MGAT4C: variants seen among roughly 807,000 people sequenced by gnomAD.
MGAT4C encodes the protein MGAT4 family member C.
In MGAT4C, 19 loss-of-function variants were observed where a neutral mutation model predicts 40.1. The ratio of observed to expected loss-of-function variants is 0.47; its 90% CI spans 0.33 to 0.70. The LOEUF (loss-of-function observed/expected upper bound fraction) is 0.70, where lower values mean the gene tolerates loss of function less well. Among genes scored for constraint, MGAT4C ranks in the 30% least tolerant of loss-of-function variants. The probability of loss-of-function intolerance (pLI) is 0.02; values close to 1 mark genes in which losing one functional copy is unlikely to be tolerated. For synonymous variants in MGAT4C, 181 were observed against 187.1 expected (o/e 0.97, Z 0.27); for missense variants, 491 against 563.2 (o/e 0.87, Z 1.30).
chr12:86,333,586 G>A (rs972707226), intron 4 of MGAT4C, among the ~76,000 whole-genome samples: 1 of 152,104 alleles, frequency 6.6e-6, no homozygotes, highest in Non-Finnish European at 1.5e-5. Flanking sequence ...ACAGAGCAAA[G>A]AAGAAAAGTG....
chr12:86,002,507 T>G (rs1887435138), intron 2 of MGAT4C: 1 of 151,978 alleles, frequency 6.6e-6, no homozygotes, highest in African/African-American at 2.4e-5. Context: ...AAGAGAGTAT[T>G]ACTGTGTTGT....
At chr12:86,647,694 T>G (rs768231195) in intron 2 of MGAT4C, among the ~76,000 whole-genome samples, 6 of 151,920 alleles carry the variant, frequency 3.9e-5, no homozygotes, top group Non-Finnish European at 5.9e-5. Flanking sequence ...TTACTCAGAA[T>G]GATAACAAGT....
chr12:86,689,669 T>C (rs1200020344), intron 2 of MGAT4C, among the ~76,000 whole-genome samples: 2 of 152,172 alleles, frequency 1.3e-5, no homozygotes, highest in Non-Finnish European at 2.9e-5. Flanking sequence ...GATCGCTGCC[T>C]TCTTCTTCCT....
At chr12:86,531,755 T>C (rs1458286818) in intron 2 of MGAT4C, among the ~76,000 whole-genome samples, 2 of 152,044 alleles carry the variant, frequency 1.3e-5, no homozygotes, top group African/African-American at 4.8e-5. Context: ...CAAAATGCTC[T>C]ATTTACTTTT....
chr12:86,447,243 A>G (rs897846089), intron 2 of MGAT4C, among the ~76,000 whole-genome samples: 4 of 152,112 alleles, frequency 2.6e-5, no homozygotes, highest in Non-Finnish European at 5.9e-5. Flanking sequence ...CTCCTGCCTC[A>G]GCCTCCCGAG....
intron 1 of MGAT4C, among the ~76,000 whole-genome samples, chr12:86,246,172 A>C (rs1952015722): frequency 7.4e-6 from 1 of 136,048 alleles, no homozygotes; most frequent in Non-Finnish European, 1.5e-5. Flanking sequence ...CTCCTAGTGT[A>C]CCATTGCTTT....
chr12:86,021,355 T>C (rs546737591), intron 2 of MGAT4C, among the ~76,000 whole-genome samples: 2 of 151,704 alleles, frequency 1.3e-5, no homozygotes, highest in Non-Finnish European at 2.9e-5. Context: ...CCAACAAAGA[T>C]AGACTGGATT....
chr12:86,744,199 C>T (rs1951116792), intron 1 of MGAT4C, among the ~76,000 whole-genome samples: 3 of 151,366 alleles, frequency 2.0e-5, no homozygotes, highest in Admixed American at 1.3e-4. Flanking sequence ...AATTTATGGC[C>T]AGTTAGGGAG....
chr12:86,019,232 A>G (rs1403810337), intron 2 of MGAT4C, among the ~76,000 whole-genome samples: 1 of 152,160 alleles, frequency 6.6e-6, no homozygotes, highest in Non-Finnish European at 1.5e-5. Context: ...GCTATAAAAT[A>G]TACTTTGTTA....
intron 2 of MGAT4C, among the ~76,000 whole-genome samples, chr12:86,477,597 A>G (rs1204383997): frequency 6.6e-6 from 1 of 151,922 alleles, no homozygotes; most frequent in Non-Finnish European, 1.5e-5. Flanking sequence ...CTCTTTATAT[A>G]TATATATTTT....
chr12:85,991,051 G>A (rs1351572155), intron 2 of MGAT4C, among the ~76,000 whole-genome samples: 1 of 152,182 alleles, frequency 6.6e-6, no homozygotes, highest in African/African-American at 2.4e-5. Flanking sequence ...TCAGACAAGT[G>A]GAGGGTGAGC....
chr12:86,780,443 A>AT (rs1951818416), intron 1 of MGAT4C, among the ~76,000 whole-genome samples: 1 of 152,236 alleles, frequency 6.6e-6, no homozygotes, highest in African/African-American at 2.4e-5. Flanking sequence ...TGATTGGATC[A>AT]TGGGGGCAGA....
intron 2 of MGAT4C, among the ~76,000 whole-genome samples, chr12:86,685,938 C>T (rs1950064125): frequency 6.6e-6 from 1 of 151,554 alleles, no homozygotes; most frequent in African/African-American, 2.4e-5. Flanking sequence ...TCTCAGCTCA[C>T]TGCAAGCTCT....
intron 2 of MGAT4C, among the ~76,000 whole-genome samples, chr12:86,596,743 G>C (rs1398227381): frequency 6.6e-6 from 1 of 152,086 alleles, no homozygotes; most frequent in Non-Finnish European, 1.5e-5. Flanking sequence ...ACACCACCTG[G>C]TAATAATATG....
At chr12:86,837,278 A>G (rs1482959555) in intron 1 of MGAT4C, among the ~76,000 whole-genome samples, 1 of 152,238 alleles carries the variant, frequency 6.6e-6, no homozygotes, top group Non-Finnish European at 1.5e-5. Flanking sequence ...AAGTACTTAA[A>G]AGTCTCTTTG....
rs147883001 is a variant in MGAT4C at position 86,480,710 on chromosome 12, A to C, written c.-228-45445T>G. 6.4e-4 allele frequency among the ~76,000 whole-genome samples: 97 copies of C among 151,880 alleles called. 1 individual carries two copies. The highest frequency in any genetic ancestry group is 3.4e-3 in the Middle Eastern group (1 of 292). ...AATTTGATAGTTACATGCTACTTAT[A>C]GTTTTTATAAAAACACATATTGCTG... On this transcript the variant is annotated intron_variant, in intron 2 of 7. Coordinates refer to the MGAT4C transcript ENST00000548651.
chr12:86,559,132 G>A (rs1959750203), intron 2 of MGAT4C, among the ~76,000 whole-genome samples: 1 of 151,746 alleles, frequency 6.6e-6, no homozygotes, highest in African/African-American at 2.4e-5. Context: ...ATCAATTCAG[G>A]AATAGAATAT....
At chr12:86,715,599 C>T (rs1374552909) in intron 2 of MGAT4C, among the ~76,000 whole-genome samples, 1 of 151,990 alleles carries the variant, frequency 6.6e-6, no homozygotes, top group Non-Finnish European at 1.5e-5. Context: ...AATTTAAGAC[C>T]CAAGCTTCAA....
chr12:86,480,382 CA>C (rs1957911813), intron 2 of MGAT4C, among the ~76,000 whole-genome samples: 1 of 151,506 alleles, frequency 6.6e-6, no homozygotes, highest in South Asian at 2.1e-4. Flanking sequence ...TAAATGTATA[CA>C]TATGCATACA....
Sources: allele counts gnomAD v4.1 joint callset (sites outside exome capture counted in the v4.1 genomes callset), GRCh38; gene constraint gnomAD v4.1.1; transcripts MANE v1.5; gene names NCBI Gene and HGNC (gene_info 2026-07-23, HGNC 2026-07-21).